Variants in CNBD1 observed in about 807,000 individuals in gnomAD.
CNBD1 encodes the protein cyclic nucleotide-binding domain-containing protein 1.
In CNBD1, 71 loss-of-function variants were observed where a neutral mutation model predicts 54.4. That is an observed-to-expected ratio of 1.30 (90% confidence interval 1.08 to 1.59). CNBD1 has a LOEUF of 1.59. CNBD1 is among the 40% of genes most tolerant of loss of function. CNBD1 has a pLI of 0.00. For missense variants in CNBD1, 659 were observed against 518.0 expected (o/e 1.27, Z -2.64); for synonymous variants, 182 against 170.7 (o/e 1.07, Z -0.51).
At chr8:87,127,990 C>G (rs1812027959) in intron 4 of CNBD1, among the ~76,000 whole-genome samples, 1 of 152,062 alleles carries the variant, frequency 6.6e-6, no homozygotes, top group African/African-American at 2.4e-5. Flanking sequence ...AACAGAAGAG[C>G]AGAAGAATAG....
chr8:87,420,358 C>A (rs1381533667), intron 2 of CNBD1, among the ~76,000 whole-genome samples: 1 of 151,980 alleles, frequency 6.6e-6, no homozygotes. Flanking sequence ...CAGCTGTCCT[C>A]CTGAGGTCTC....
chr8:87,239,306 C>G (rs1443092388), intron 6 of CNBD1, among the ~76,000 whole-genome samples: 1 of 151,862 alleles, frequency 6.6e-6, no homozygotes, highest in Non-Finnish European at 1.5e-5. Context: ...TAACCCTGTC[C>G]CCTGTAGAAA....
At chr8:87,323,300 T>C (rs1469384145) in intron 8 of CNBD1, among the ~76,000 whole-genome samples, 2 of 117,566 alleles carry the variant, frequency 1.7e-5, no homozygotes, top group African/African-American at 6.5e-5. Context: ...TCTTTTTTGG[T>C]TCCATATGAA....
At chr8:87,189,070 A>T (rs1027755690) in intron 4 of CNBD1, among the ~76,000 whole-genome samples, 3 of 152,124 alleles carry the variant, frequency 2.0e-5, no homozygotes, top group Non-Finnish European at 4.4e-5. Context: ...AGTACAAAAG[A>T]TGTAGAAAAC....
chr8:87,294,255 GTAT>G (rs1808835587), intron 8 of CNBD1, among the ~76,000 whole-genome samples: 1 of 152,122 alleles, frequency 6.6e-6, no homozygotes, highest in Admixed American at 6.5e-5. Context: ...TTATTTGGGA[GTAT>G]TGTATAGAAT....
At chr8:87,362,431 G>A (rs961496942) in intron 10 of CNBD1, among the ~76,000 whole-genome samples, 1 of 152,034 alleles carries the variant, frequency 6.6e-6, no homozygotes, top group African/African-American at 2.4e-5. Context: ...ACAGTCCAAG[G>A]CAACTTGATT....
chr8:86,932,221 C>T lies in CNBD1; in HGVS notation c.273-7375C>T, dbSNP rs193067848. The stretch of plus-strand genomic sequence containing the variant: ...GTTTGCCCTAGACCCTGTAGGACAT[C>T]TATATCCCTATCAGGATTATCTGAA... On this transcript the variant is annotated intron_variant, in intron 3 of 10. Transcript: ENST00000518476. Among the ~76,000 whole-genome samples, 215 of 152,294 alleles carry T rather than the reference C, an allele frequency of 1.4e-3. 2 individuals are homozygous for T. The highest frequency in any genetic ancestry group is 5.1e-3 in the African/African-American group (211 of 41,558).
intron 1 of CNBD1, among the ~76,000 whole-genome samples, chr8:86,884,101 G>A (rs1808643929): frequency 6.6e-6 from 1 of 151,098 alleles, no homozygotes; most frequent in Non-Finnish European, 1.5e-5. Flanking sequence ...GCAGTGAGCC[G>A]AGATCCCGCC....
At chr8:87,151,974 G>C (rs1305564463) in intron 4 of CNBD1, among the ~76,000 whole-genome samples, 2 of 151,832 alleles carry the variant, frequency 1.3e-5, no homozygotes, top group East Asian at 3.9e-4. Context: ...ATCACTTTTA[G>C]TACTAAGCAC....
chr8:87,207,647 GTGTT>G (rs1394220807), intron 5 of CNBD1, among the ~76,000 whole-genome samples: 3 of 152,066 alleles, frequency 2.0e-5, no homozygotes, highest in African/African-American at 7.2e-5. Context: ...CTCTCACAAT[GTGTT>G]TATTTATTTG....
chr8:87,263,247 C>G (rs1409479304), intron 6 of CNBD1, among the ~76,000 whole-genome samples: 2 of 152,090 alleles, frequency 1.3e-5, no homozygotes, highest in Non-Finnish European at 2.9e-5. Context: ...ATAAGCTTGT[C>G]ATTTGTGTGA....
intron 4 of CNBD1, among the ~76,000 whole-genome samples, chr8:86,977,477 A>C (rs972925236): frequency 2.0e-5 from 3 of 152,066 alleles, no homozygotes; most frequent in African/African-American, 7.2e-5. Flanking sequence ...ACTGACAAAC[A>C]TTTAACTAGG....
intron 4 of CNBD1, among the ~76,000 whole-genome samples, chr8:87,105,457 A>G (rs962704697): frequency 1.4e-4 from 21 of 152,320 alleles, no homozygotes; most frequent in Admixed American, 9.1e-4. Context: ...AAATTATCCC[A>G]TATCTTTGTC....
chr8:86,955,300 C>T (rs929680142), intron 4 of CNBD1, among the ~76,000 whole-genome samples: 10 of 152,152 alleles, frequency 6.6e-5, no homozygotes, highest in African/African-American at 1.2e-4. Flanking sequence ...CATACGTGTG[C>T]ATGTGTCTTT....
intron 4 of CNBD1, among the ~76,000 whole-genome samples, chr8:87,043,619 A>G (rs1810119813): frequency 6.6e-6 from 1 of 152,290 alleles, no homozygotes; most frequent in Middle Eastern, 3.4e-3. Flanking sequence ...CAGCTCTGCT[A>G]TATGCTCATC....
chr8:87,425,454 C>G (rs1808028868), intron 2 of CNBD1, among the ~76,000 whole-genome samples: 1 of 152,156 alleles, frequency 6.6e-6, no homozygotes, highest in Non-Finnish European at 1.5e-5. Context: ...GTGGTTTTAT[C>G]TACTTTTGGT....
intron 3 of CNBD1, among the ~76,000 whole-genome samples, chr8:86,926,460 G>A (rs1809362900): frequency 6.6e-6 from 1 of 152,184 alleles, no homozygotes; most frequent in African/African-American, 2.4e-5. Context: ...AATTTGACAA[G>A]GAGGTTAAAA....
chr8:87,203,243 G>A (rs1190606556), intron 4 of CNBD1, among the ~76,000 whole-genome samples: 1 of 151,992 alleles, frequency 6.6e-6, no homozygotes. Context: ...GCATACATAG[G>A]CACAAACACA....
chr8:87,013,779 G>A (rs1809273691), intron 4 of CNBD1, among the ~76,000 whole-genome samples: 1 of 151,372 alleles, frequency 6.6e-6, no homozygotes, highest in Non-Finnish European at 1.5e-5. Context: ...ATTCTATAAT[G>A]TTATGTTTAA....
Sources: gnomAD v4.1 joint callset for allele counts (sites outside exome capture counted in the v4.1 genomes callset) on GRCh38, gnomAD v4.1.1 for gene constraint, MANE v1.5 for transcripts, NCBI Gene and HGNC (gene_info 2026-07-23, HGNC 2026-07-21) for gene names.